Variants in GRIK1 observed in about 807,000 individuals in gnomAD.
GRIK1 encodes glutamate receptor ionotropic, kainate 1.
A neutral mutation model predicts 105.7 loss-of-function variants in GRIK1; 69 were observed. The ratio of observed to expected loss-of-function variants is 0.65; its 90% CI spans 0.54 to 0.80. The LOEUF is 0.80. Ranked by LOEUF, GRIK1 falls within the 30% of genes least tolerant of loss-of-function variation. GRIK1 has a pLI of 0.00. For missense variants in GRIK1, 1,109 were observed against 1,167.3 expected (o/e 0.95, Z 0.73); for synonymous variants, 438 against 431.3 (o/e 1.02, Z -0.19).
chr21:29,600,737 G>A (rs544464593), intron 7 of GRIK1, among the ~76,000 whole-genome samples: 19 of 152,266 alleles, frequency 1.2e-4, no homozygotes, highest in African/African-American at 3.9e-4. Flanking sequence ...AACTTGAGGC[G>A]TTTTAATTTT....
intron 1 of GRIK1, among the ~76,000 whole-genome samples, chr21:29,834,990 ACACT>A (rs2067748846): frequency 6.6e-6 from 1 of 151,618 alleles, no homozygotes. Context: ...TCTGATTTTC[ACACT>A]CAGTCTTCCT....
At chr21:29,778,075 G>A (rs564081289) in intron 1 of GRIK1, among the ~76,000 whole-genome samples, 93 of 152,250 alleles carry the variant, frequency 6.1e-4, no homozygotes, top group African/African-American at 2.2e-3. Flanking sequence ...ACACTGTGAG[G>A]GTTAAATGTG....
chr21:29,556,895 A>G (rs1477632066), intron 15 of GRIK1, among the ~76,000 whole-genome samples: 1 of 152,236 alleles, frequency 6.6e-6, no homozygotes, highest in Non-Finnish European at 1.5e-5. Context: ...GATGTTGGTT[A>G]GTACATACTG....
intron 1 of GRIK1, among the ~76,000 whole-genome samples, chr21:29,782,439 T>C (rs886718054): frequency 6.6e-6 from 1 of 152,204 alleles, no homozygotes; most frequent in Non-Finnish European, 1.5e-5. Context: ...GGAGAAAGTT[T>C]ATATTTAACT....
At chr21:29,843,350 C>T (rs914908654) in intron 1 of GRIK1, among the ~76,000 whole-genome samples, 2 of 152,066 alleles carry the variant, frequency 1.3e-5, no homozygotes, top group East Asian at 1.9e-4. Flanking sequence ...TGTTTGTTTG[C>T]TTTTGTTCAT....
At position 29,758,005 on chromosome 21, in the gene GRIK1, T is replaced by G. The variant is rs192884390; in HGVS notation, c.119-63942A>C. On this transcript the variant is annotated intron_variant, in intron 1 of 17. Transcript: ENST00000327783. The stretch of plus-strand genomic sequence containing the variant: ...GCTTGAGATAATAGAAATTTATCTT[T>G]TGCTCTAATCAGAGAACAGTGAAGG... Among the ~76,000 whole-genome samples, 461 of 152,364 alleles carry G rather than the reference T, an allele frequency of 3.0e-3. 3 individuals are homozygous for G. Among genetic ancestry groups the G allele is most frequent in the Non-Finnish European group, 4.6e-3 (310 of 68,034 alleles).
chr21:29,695,957 C>T (rs765851111), intron 1 of GRIK1, among the ~76,000 whole-genome samples: 17 of 152,108 alleles, frequency 1.1e-4, no homozygotes, highest in Non-Finnish European at 2.2e-4. Context: ...ACGCATCATG[C>T]GCGTCATTTA....
intron 15 of GRIK1, 70 bp downstream of exon 15, chr21:29,561,554 A>C: frequency 2.0e-6 from 2 of 981,132 alleles, no homozygotes; most frequent in Non-Finnish European, 3.3e-6. Flanking sequence ...AAGAACTCTG[A>C]GCCCATTGCC....
chr21:29,630,513 G>T, intron 7 of GRIK1: 1 of 471,622 alleles, frequency 2.1e-6, no homozygotes, highest in Non-Finnish European at 4.4e-6. Flanking sequence ...TTAGAAAACA[G>T]AGATTTGCTC....
chr21:29,770,549 G>C (rs1032683384), intron 1 of GRIK1, among the ~76,000 whole-genome samples: 2 of 152,202 alleles, frequency 1.3e-5, no homozygotes, highest in Non-Finnish European at 2.9e-5. Context: ...GGAAAGCAGA[G>C]AGACTCACAT....
At chr21:29,836,695 T>A (rs1238082725) in intron 1 of GRIK1, among the ~76,000 whole-genome samples, 1 of 152,152 alleles carries the variant, frequency 6.6e-6, no homozygotes, top group Non-Finnish European at 1.5e-5. Flanking sequence ...ACACAGACAC[T>A]ATCATAAGCC....
intron 1 of GRIK1, among the ~76,000 whole-genome samples, chr21:29,854,214 A>C (rs1267120383): frequency 2.6e-5 from 4 of 152,088 alleles, no homozygotes; most frequent in Non-Finnish European, 5.9e-5. Context: ...GAGAGAGAGA[A>C]GCGAGTGGGG....
In GRIK1 at chr21:29,786,704, G is replaced by A. The variant is rs1271294206; in HGVS notation, c.119-92641C>T. Among the ~76,000 whole-genome samples the A allele has an allele frequency of 5.9e-5, 9 of 152,154 alleles. No individual in the cohort carries two copies. In the South Asian group the frequency reaches 1.9e-3, roughly 32 times the overall value. On this transcript the variant is annotated intron_variant, in intron 1 of 17. Coordinates refer to ENST00000327783, the MANE Select transcript of GRIK1 (RefSeq NM_001330994.2). ...AAGACATTGATGACTGTAGCACATG[G>A]AGGATAAAATCAGGAAGCTTCCTCA...
intron 1 of GRIK1, among the ~76,000 whole-genome samples, chr21:29,704,389 C>T (rs1485304048): frequency 1.3e-5 from 2 of 152,144 alleles, no homozygotes; most frequent in Non-Finnish European, 2.9e-5. Context: ...GGTGAACTCT[C>T]CCTTTCTTTT....
At chr21:29,742,536 A>C (rs2064956106) in intron 1 of GRIK1, among the ~76,000 whole-genome samples, 1 of 152,248 alleles carries the variant, frequency 6.6e-6, no homozygotes, top group Non-Finnish European at 1.5e-5. Flanking sequence ...ATGCTGAATA[A>C]TAAACCTCAC....
At chr21:29,827,526 G>C (rs540473384) in intron 1 of GRIK1, among the ~76,000 whole-genome samples, 48 of 152,206 alleles carry the variant, frequency 3.2e-4, no homozygotes, top group African/African-American at 1.1e-3. Context: ...AGCAAGTAGG[G>C]TGGACATCTC....
intron 7 of GRIK1, among the ~76,000 whole-genome samples, chr21:29,603,034 C>T (rs2061546871): frequency 6.6e-6 from 1 of 152,082 alleles, no homozygotes; most frequent in African/African-American, 2.4e-5. Flanking sequence ...CCTCCATTTC[C>T]CTGTCCCACC....
chr21:29,560,294 T>TCTTTC (rs1568812295), intron 15 of GRIK1, among the ~76,000 whole-genome samples: 21 of 90,024 alleles, frequency 2.3e-4, no homozygotes, highest in African/African-American at 1.1e-3. Flanking sequence ...TTTCTTTCTT[T>TCTTTC]CTTTCTTTCT....
chr21:29,848,903 C>A (rs1444879420), intron 1 of GRIK1, among the ~76,000 whole-genome samples: 3 of 151,226 alleles, frequency 2.0e-5, no homozygotes, highest in Non-Finnish European at 4.4e-5. Context: ...ATTTATTCCA[C>A]CCTATTCAAA....
Sources: gnomAD v4.1 joint callset for allele counts (sites outside exome capture counted in the v4.1 genomes callset) on GRCh38, gnomAD v4.1.1 for gene constraint, MANE v1.5 for transcripts, NCBI Gene and HGNC (gene_info 2026-07-23, HGNC 2026-07-21) for gene names.